GALNT14: variants seen among roughly 807,000 people sequenced by gnomAD.
GALNT14 encodes the protein UDP-GalNAc:polypeptide N-acetylgalactosaminyltransferase 14.
In GALNT14, 60 loss-of-function variants were observed where a neutral mutation model predicts 77.5. That is an observed-to-expected ratio of 0.77 (90% CI 0.63 to 0.96). GALNT14 has a LOEUF of 0.96. Among genes scored for constraint, GALNT14 ranks in the 40% least tolerant of loss-of-function variants. GALNT14 has a pLI of 0.00. For missense variants in GALNT14, 710 were observed against 731.0 expected (o/e 0.97, Z 0.33); for synonymous variants, 280 against 281.7 (o/e 0.99, Z 0.06).
chr2:30,904,448 C>T, the GALNT14 span, among the ~76,000 whole-genome samples: 8 of 152,146 alleles, frequency 5.3e-5, no homozygotes, highest in Admixed American at 2.6e-4. Flanking sequence ...AAAGGGGTGA[C>T]GGACGGCACC....
intron 1 of GALNT14, among the ~76,000 whole-genome samples, chr2:31,092,344 C>T (rs1413879162): frequency 6.6e-6 from 1 of 151,876 alleles, no homozygotes; most frequent in Non-Finnish European, 1.5e-5. Flanking sequence ...TTTATAAAGG[C>T]ACTAATCTAT....
intron 1 of GALNT14, among the ~76,000 whole-genome samples, chr2:31,088,611 A>G (rs2148595132): frequency 6.6e-6 from 1 of 152,340 alleles, no homozygotes; most frequent in East Asian, 1.9e-4. Flanking sequence ...CCTGTAAGCA[A>G]AAACATATGC....
At chr2:30,975,713 T>G (rs1668588344) in intron 2 of GALNT14, among the ~76,000 whole-genome samples, 1 of 152,232 alleles carries the variant, frequency 6.6e-6, no homozygotes, top group Admixed American at 6.5e-5. Flanking sequence ...CAAATTAAAA[T>G]TTCAATGTTA....
At chr2:30,931,636 T>C (rs1376755239) in intron 10 of GALNT14, among the ~76,000 whole-genome samples, 5 of 152,082 alleles carry the variant, frequency 3.3e-5, no homozygotes, top group African/African-American at 1.2e-4. Flanking sequence ...CTGCATCCCT[T>C]GGGCCTCCCC....
chr2:30,926,802 G>T (rs1665412868), intron 11 of GALNT14, among the ~76,000 whole-genome samples: 1 of 152,078 alleles, frequency 6.6e-6, no homozygotes, highest in South Asian at 2.1e-4. Flanking sequence ...ACAGTCCAGG[G>T]TGCAAGGAAG....
intron 1 of GALNT14, among the ~76,000 whole-genome samples, chr2:31,134,291 T>C (rs1278111675): frequency 3.3e-5 from 5 of 152,216 alleles, no homozygotes; most frequent in Admixed American, 3.3e-4. Context: ...CCACTCCTCT[T>C]GCTTTGGAAG....
intron 1 of GALNT14, among the ~76,000 whole-genome samples, chr2:31,045,396 T>G (rs1417248612): frequency 6.6e-6 from 1 of 152,166 alleles, no homozygotes; most frequent in Non-Finnish European, 1.5e-5. Flanking sequence ...TTCAACTTCT[T>G]TTTTTGGACA....
intron 2 of GALNT14, among the ~76,000 whole-genome samples, chr2:30,975,512 A>G (rs1044544705): frequency 2.0e-5 from 3 of 152,248 alleles, no homozygotes; most frequent in Non-Finnish European, 4.4e-5. Context: ...CTTTTTTAAA[A>G]TTGATCACAT....
chr2:30,983,359 T>A (rs1301618474), intron 2 of GALNT14, among the ~76,000 whole-genome samples: 1 of 152,232 alleles, frequency 6.6e-6, no homozygotes. Context: ...TTAATAGTCT[T>A]AGACTCAATA....
At chr2:30,900,305 C>T in the GALNT14 span, among the ~76,000 whole-genome samples, 1 of 152,130 alleles carries the variant, frequency 6.6e-6, no homozygotes, top group African/African-American at 2.4e-5. Context: ...TAGTTCTTTC[C>T]AGTTAGCATT....
chr2:31,043,266 G>A (rs1024293446), intron 1 of GALNT14, among the ~76,000 whole-genome samples: 1 of 152,112 alleles, frequency 6.6e-6, no homozygotes, highest in African/African-American at 2.4e-5. Flanking sequence ...TCCTGCCTCA[G>A]TATTCCCCCA....
chr2:31,001,210 C>T (rs192726562), intron 1 of GALNT14, among the ~76,000 whole-genome samples: 51 of 152,152 alleles, frequency 3.4e-4, no homozygotes, highest in Admixed American at 1.7e-3. Context: ...TCTAGCACCA[C>T]GGCAAACCAG....
intron 1 of GALNT14, among the ~76,000 whole-genome samples, chr2:31,038,357 C>A (rs569597869): frequency 7.5e-4 from 114 of 151,880 alleles, no homozygotes; most frequent in African/African-American, 2.7e-3. Flanking sequence ...GCCTCCCAAA[C>A]TGCTAGGCTT....
intron 1 of GALNT14, among the ~76,000 whole-genome samples, chr2:31,073,636 A>G (rs1163204789): frequency 6.6e-6 from 1 of 152,092 alleles, no homozygotes; most frequent in Non-Finnish European, 1.5e-5. Context: ...CTGGGGCAGG[A>G]AAGTGAAAGA....
At chr2:30,888,146 C>G in the GALNT14 span, among the ~76,000 whole-genome samples, 1 of 152,328 alleles carries the variant, frequency 6.6e-6, no homozygotes, top group East Asian at 1.9e-4. Flanking sequence ...CCTGCTAGGT[C>G]TGTTCCTTCC....
intron 1 of GALNT14, among the ~76,000 whole-genome samples, chr2:31,070,024 C>T (rs181755994): frequency 1.8e-3 from 270 of 152,166 alleles, no homozygotes; most frequent in East Asian, 5.0e-3. Context: ...TTCCTGTGTC[C>T]GCTTACCCCC....
chr2:31,136,707 T>C (rs762096948), intron 1 of GALNT14, among the ~76,000 whole-genome samples: 5 of 152,192 alleles, frequency 3.3e-5, no homozygotes, highest in Non-Finnish European at 5.9e-5. Flanking sequence ...GGCAACTTGA[T>C]ATACTGGAAA....
intron 1 of GALNT14, among the ~76,000 whole-genome samples, chr2:31,085,688 C>G (rs920300555): frequency 6.6e-6 from 1 of 152,224 alleles, no homozygotes; most frequent in Non-Finnish European, 1.5e-5. Context: ...TGCTGCACTG[C>G]GGGGACCCCT....
At chr2:31,061,108 T>C (rs1328189181) in intron 1 of GALNT14, among the ~76,000 whole-genome samples, 1 of 152,188 alleles carries the variant, frequency 6.6e-6, no homozygotes, top group Non-Finnish European at 1.5e-5. Flanking sequence ...CCCATGAACC[T>C]GGCCTTCTTC....
Sources: gnomAD v4.1 joint callset for allele counts (sites outside exome capture counted in the v4.1 genomes callset) on GRCh38, gnomAD v4.1.1 for gene constraint, MANE v1.5 for transcripts, NCBI Gene and HGNC (gene_info 2026-07-23, HGNC 2026-07-21) for gene names.